Variants in LRMDA observed in about 807,000 individuals in gnomAD.
LRMDA encodes the protein leucine rich melanocyte differentiation associated.
Under a neutral mutation model 29.8 loss-of-function variants are expected in LRMDA, and 18 were observed. That is an observed-to-expected ratio of 0.60 (90% confidence interval 0.42 to 0.90). The LOEUF (loss-of-function observed/expected upper bound fraction) is 0.90, where lower values mean the gene tolerates loss of function less well. Among genes scored for constraint, LRMDA ranks in the 40% least tolerant of loss-of-function variants. The probability of loss-of-function intolerance (pLI) is 0.00; values close to 1 mark genes in which losing one functional copy is unlikely to be tolerated. For missense variants in LRMDA, 273 were observed against 273.9 expected (o/e 1.00, Z 0.02); for synonymous variants, 125 against 109.4 (o/e 1.14, Z -0.89).
intron 2 of LRMDA, among the ~76,000 whole-genome samples, chr10:75,826,413 G>T (rs997253321): frequency 6.6e-6 from 1 of 151,946 alleles, no homozygotes; most frequent in African/African-American, 2.4e-5. Flanking sequence ...TTTCTTTTTG[G>T]GTAGAGTAAT....
chr10:76,054,784 A>T (rs1324310550), intron 4 of LRMDA, among the ~76,000 whole-genome samples: 1 of 151,306 alleles, frequency 6.6e-6, no homozygotes, highest in African/African-American at 2.4e-5. Flanking sequence ...TGGGAGCTCT[A>T]CTGGAGGATA....
At chr10:75,705,766 C>T (rs1842358706) in intron 2 of LRMDA, among the ~76,000 whole-genome samples, 1 of 152,234 alleles carries the variant, frequency 6.6e-6, no homozygotes, top group African/African-American at 2.4e-5. Flanking sequence ...AGCGTCCCTG[C>T]AGTGCTGTCT....
chr10:75,727,293 C>CT (rs1449178325), intron 2 of LRMDA, among the ~76,000 whole-genome samples: 3 of 152,100 alleles, frequency 2.0e-5, no homozygotes, highest in Non-Finnish European at 2.9e-5. Context: ...CAAATCTGTC[C>CT]TCTGAGCGTG....
At chr10:75,885,244 G>T (rs1013984783) in intron 2 of LRMDA, among the ~76,000 whole-genome samples, 8 of 152,342 alleles carry the variant, frequency 5.3e-5, no homozygotes, top group Non-Finnish European at 7.3e-5. Context: ...TGTTTGATTG[G>T]AGTGGCTCTC....
chr10:75,996,762 T>C (rs548734886), intron 2 of LRMDA, among the ~76,000 whole-genome samples: 53 of 150,818 alleles, frequency 3.5e-4, no homozygotes, highest in Admixed American at 9.9e-4. Flanking sequence ...AGACGGAGTC[T>C]CGGTCTGTCG....
intron 2 of LRMDA, among the ~76,000 whole-genome samples, chr10:75,555,956 G>C (rs1840208422): frequency 6.6e-6 from 1 of 152,130 alleles, no homozygotes; most frequent in African/African-American, 2.4e-5. Context: ...TGGTAGAATG[G>C]AGATGACAGC....
At chr10:76,492,527 A>C (rs987441262) in intron 6 of LRMDA, among the ~76,000 whole-genome samples, 3 of 152,086 alleles carry the variant, frequency 2.0e-5, no homozygotes. Context: ...CTCTTCCCTT[A>C]CTTTCTCCCA....
chr10:75,908,705 C>T (rs1845797113), intron 2 of LRMDA, among the ~76,000 whole-genome samples: 1 of 152,184 alleles, frequency 6.6e-6, no homozygotes, highest in Admixed American at 6.5e-5. Context: ...CTACATCTTC[C>T]ACCTCCTATC....
intron 5 of LRMDA, among the ~76,000 whole-genome samples, chr10:76,203,637 G>A (rs1053762512): frequency 4.6e-5 from 7 of 151,964 alleles, no homozygotes; most frequent in Admixed American, 4.6e-4. Flanking sequence ...TAGGGATTGT[G>A]CCACCCATCT....
At chr10:76,288,527 G>C (rs774356010) in intron 5 of LRMDA, among the ~76,000 whole-genome samples, 1 of 152,104 alleles carries the variant, frequency 6.6e-6, no homozygotes, top group Admixed American at 6.6e-5. Context: ...ATTGACAAAT[G>C]GGATATAATT....
chr10:75,870,053 G>A (rs957127752), intron 2 of LRMDA, among the ~76,000 whole-genome samples: 2 of 150,492 alleles, frequency 1.3e-5, no homozygotes, highest in African/African-American at 5.0e-5. Context: ...AAGCTCTGAT[G>A]TCCTAAGGAA....
intron 5 of LRMDA, among the ~76,000 whole-genome samples, chr10:76,305,165 G>A (rs1840537248): frequency 6.6e-6 from 1 of 152,068 alleles, no homozygotes; most frequent in Admixed American, 6.5e-5. Context: ...CCCAGGAGCT[G>A]GAGAAAGCAG....
chr10:75,522,299 G>A (rs1212053508), intron 2 of LRMDA, among the ~76,000 whole-genome samples: 1 of 152,178 alleles, frequency 6.6e-6, no homozygotes, highest in African/African-American at 2.4e-5. Context: ...TGAGGCCACT[G>A]CCAAACACAG....
At chr10:76,039,044 A>T (rs952348780) in intron 3 of LRMDA, among the ~76,000 whole-genome samples, 4 of 152,188 alleles carry the variant, frequency 2.6e-5, no homozygotes, top group Non-Finnish European at 4.4e-5. Context: ...GGCTAGCATA[A>T]GACACTTCAC....
chr10:75,977,775 T>C (rs1847099969), intron 2 of LRMDA, among the ~76,000 whole-genome samples: 1 of 152,156 alleles, frequency 6.6e-6, no homozygotes, highest in Non-Finnish European at 1.5e-5. Flanking sequence ...GCCTGTTTCA[T>C]TTCAGGTAGA....
chr10:75,935,510 A>G (rs1231651872), intron 2 of LRMDA, among the ~76,000 whole-genome samples: 1 of 152,204 alleles, frequency 6.6e-6, no homozygotes, highest in African/African-American at 2.4e-5. Flanking sequence ...ACGTTTGGGA[A>G]TGACAGTTGA....
At chr10:75,466,348 C>T (rs115258090) in intron 2 of LRMDA, among the ~76,000 whole-genome samples, 25 of 152,142 alleles carry the variant, frequency 1.6e-4, no homozygotes, top group African/African-American at 6.0e-4. Context: ...TTGGTTTTTC[C>T]TGGGTCTGTA....
chr10:76,473,560 A>G (rs74654092), intron 6 of LRMDA, among the ~76,000 whole-genome samples: 3,678 of 151,598 alleles, frequency 0.024, 166 homozygotes, highest in African/African-American at 0.085. Context: ...GATTGGAAAG[A>G]AAGAAGTAAT....
chr10:76,284,780 A>G (rs553584846), intron 5 of LRMDA, among the ~76,000 whole-genome samples: 1 of 152,104 alleles, frequency 6.6e-6, no homozygotes. Flanking sequence ...TTTTTCCCAT[A>G]TTGTTCTCAT....
Sources: gnomAD v4.1 joint callset for allele counts (sites outside exome capture counted in the v4.1 genomes callset) on GRCh38, gnomAD v4.1.1 for gene constraint, MANE v1.5 for transcripts, NCBI Gene and HGNC (gene_info 2026-07-23, HGNC 2026-07-21) for gene names.